Variants in PKHD1 observed in about 807,000 individuals in gnomAD.
The protein encoded by PKHD1 is PKHD1 ciliary IPT domain containing fibrocystin/polyductin, also known as fibrocystin.
A neutral mutation model predicts 412.0 loss-of-function variants in PKHD1; 291 were observed. The observed-to-expected ratio is 0.71, with a 90% CI of 0.64 to 0.78. PKHD1 has a LOEUF of 0.78. Among genes scored for constraint, PKHD1 ranks in the 30% least tolerant of loss-of-function variants. The pLI is 0.00. For synonymous variants in PKHD1, 1,777 were observed against 1,821.5 expected (o/e 0.98, Z 0.62); for missense variants, 4,825 against 4,950.7 (o/e 0.97, Z 0.76).
intron 52 of PKHD1, among the ~76,000 whole-genome samples, chr6:51,815,854 C>A (rs1678284561): frequency 6.6e-6 from 1 of 152,146 alleles, no homozygotes; most frequent in South Asian, 2.1e-4. Flanking sequence ...TCATAGTCAG[C>A]CTTAGCTCTG....
chr6:51,847,791 C>T lies in PKHD1; in HGVS notation c.8091G>A (p.Arg2697=), dbSNP rs2151627451. ...GCDWFFNSQL[R]QLTYLVSGEG... ...GATACTTACCCAGATAGGTGAGTTG[C>T]CTCAGCTGGCTATTGAAGAACCAGT... The change falls in exon 50 of 67, where the codon AGG becomes AGA. Residue 2697 remains arginine (R), a synonymous_variant. Coordinates refer to ENST00000371117, the MANE Select transcript of PKHD1 (RefSeq NM_138694.4). 4 of 1,613,220 alleles carry T rather than the reference C, an allele frequency of 2.5e-6. No individual in the cohort carries two copies. Among genetic ancestry groups the T allele is most frequent in the Non-Finnish European group, 3.4e-6 (4 of 1,179,212 alleles).
rs766308592 is a variant in PKHD1 at position 51,909,277 on chromosome 6, C to G, written c.6682+6G>C. ...ATGAGAAAGTCCTAGGTCCGGACCC[C>G]CTTACCTCTCATAGCTCCCACCAGA... On this transcript the variant is annotated splice_donor_region_variant and intron_variant, in intron 40 of 66. Transcript: ENST00000371117. 4.3e-6 allele frequency: 7 copies of G among 1,611,586 alleles called. No homozygotes were observed. The highest frequency in any genetic ancestry group is 8.5e-7 in the Non-Finnish European group (1 of 1,178,066).
chr6:51,847,427 A>G (rs1228507739), intron 50 of PKHD1, among the ~76,000 whole-genome samples: 1 of 152,126 alleles, frequency 6.6e-6, no homozygotes, highest in African/African-American at 2.4e-5. Context: ...TATTAGTACT[A>G]ACTACCAATG....
In PKHD1 at chr6:51,746,903, A is replaced by G. The variant is rs1235512915; in HGVS notation, c.9830-14T>C. Reference sequence around the variant, plus strand: ...AAAAGGTAACATCTGAAATTTTAAAAATATGTATCATAATATTATATCATA... The same window carrying G: ...AAAAGGTAACATCTGAAATTTTAAAGATATGTATCATAATATTATATCATA... On this transcript the variant is annotated splice_polypyrimidine_tract_variant and intron_variant, in intron 58 of 66. Transcript: ENST00000371117. 1.4e-6 allele frequency: 2 copies of G among 1,461,186 alleles called. No homozygotes were observed. Among genetic ancestry groups the G allele is most frequent in the Non-Finnish European group, 1.9e-6 (2 of 1,051,580 alleles). The allele number at this position is 1,461,186 out of a possible 1,614,324, so 90.5% of individuals were successfully genotyped here. A position where few individuals can be genotyped will look rare whatever the true frequency, so the allele number is the denominator to read the frequency against.
At chr6:52,084,555 T>A (rs979158252) in intron 2 of PKHD1, among the ~76,000 whole-genome samples, 1 of 152,214 alleles carries the variant, frequency 6.6e-6, no homozygotes, top group Non-Finnish European at 1.5e-5. Flanking sequence ...AGAAAGGTTA[T>A]AAGTTATTAT....
intron 37 of PKHD1, among the ~76,000 whole-genome samples, chr6:51,917,180 AGGGAGAGG>A: frequency 1.1e-5 from 1 of 93,710 alleles, no homozygotes; most frequent in Admixed American, 1.5e-4. Context: ...AGAGGGAGAG[AGGGAGAGG>A]TGGGGGGGAG....
chr6:51,839,939 T>G (rs913503957), intron 50 of PKHD1, among the ~76,000 whole-genome samples: 3 of 151,992 alleles, frequency 2.0e-5, no homozygotes, highest in Non-Finnish European at 2.9e-5. Context: ...CCCTGACTCA[T>G]GACTTCTCTT....
At chr6:51,899,993 A>T (rs1043481266) in intron 43 of PKHD1, among the ~76,000 whole-genome samples, 10 of 152,106 alleles carry the variant, frequency 6.6e-5, no homozygotes, top group Non-Finnish European at 2.9e-5. Context: ...GAGAACTACA[A>T]ACCACTGCTC....
chr6:52,062,574 C>T lies in PKHD1; in HGVS notation c.1063G>A (p.Val355Ile). The change falls in exon 14 of 67, where the codon GTC (valine) becomes ATC (isoleucine). Residue 355 changes from valine (V) to isoleucine (I), a missense_variant. Coordinates refer to ENST00000371117, the MANE Select transcript of PKHD1 (RefSeq NM_138694.4). ...CCAAATGGAGAACTGGCATTAGGGA[C>T]AATCTGCCACCTGTACCCTGGGGTG... ...EATPGYRWQI[V>I]PNASSPFGFW... is the part of the protein sequence containing the mutation. 1 of 1,614,168 alleles carries T rather than the reference C, an allele frequency of 6.2e-7. No homozygotes were observed. The highest frequency in any genetic ancestry group is 8.5e-7 in the Non-Finnish European group (1 of 1,179,980).
At chr6:51,638,702 T>A (rs929682061) in intron 64 of PKHD1, 147 bp downstream of exon 64, 11 of 662,688 alleles carry the variant, frequency 1.7e-5, no homozygotes, top group African/African-American at 1.1e-4. Context: ...TTCTCAAGCT[T>A]AATGATACAG....
intron 50 of PKHD1, among the ~76,000 whole-genome samples, chr6:51,837,319 C>T (rs185770661): frequency 6.6e-6 from 1 of 152,322 alleles, no homozygotes; most frequent in East Asian, 1.9e-4. Flanking sequence ...CTTGGGGACT[C>T]GGCCAAATTC....
intron 43 of PKHD1, among the ~76,000 whole-genome samples, chr6:51,893,076 G>A (rs1453909762): frequency 2.0e-5 from 3 of 152,186 alleles, no homozygotes; most frequent in Non-Finnish European, 4.4e-5. Context: ...GAGGGCCAGA[G>A]AAGGGGGCTT....
intron 60 of PKHD1, among the ~76,000 whole-genome samples, chr6:51,723,815 G>A (rs754051526): frequency 1.3e-5 from 2 of 152,096 alleles, no homozygotes; most frequent in African/African-American, 4.8e-5. Flanking sequence ...GAGAGTTTGG[G>A]TACATAGAAT....
chr6:51,721,789 C>A (rs746377642), intron 60 of PKHD1: 14 of 1,437,666 alleles, frequency 9.7e-6, no homozygotes, highest in Admixed American at 5.5e-5. Context: ...TTTTGTATTT[C>A]TTTGATCTGT....
intron 52 of PKHD1, among the ~76,000 whole-genome samples, chr6:51,801,324 T>C (rs749361341): frequency 6.6e-6 from 1 of 152,192 alleles, no homozygotes; most frequent in Non-Finnish European, 1.5e-5. Flanking sequence ...TCAAGTAGAC[T>C]AATTTACTGA....
rs1781878497 is a variant in PKHD1 at position 51,721,148 on chromosome 6, G to A, written c.10156+23237C>T. Reference sequence around the variant, plus strand: ...CACTGTTCCAATAATGGAACACTGGGCACATGGGAGTTATTTATATCCTAC... The same window carrying A: ...CACTGTTCCAATAATGGAACACTGGACACATGGGAGTTATTTATATCCTAC... On this transcript the variant is annotated intron_variant, in intron 60 of 66. Transcript: ENST00000371117. 1.4e-5 allele frequency: 13 copies of A among 954,920 alleles called. No homozygotes were observed. The South Asian group carries it at 4.8e-4, about 36-fold the overall frequency. The allele number at this position is 954,920 out of a possible 1,614,324, so 59.2% of individuals were successfully genotyped here.
At chr6:51,988,976 C>T (rs977573443) in intron 35 of PKHD1, among the ~76,000 whole-genome samples, 4 of 152,206 alleles carry the variant, frequency 2.6e-5, no homozygotes, top group Admixed American at 1.3e-4. Flanking sequence ...CAGGGGCTCA[C>T]ATTGTTAAAG....
intron 36 of PKHD1, among the ~76,000 whole-genome samples, chr6:51,940,492 C>T (rs1249361777): frequency 6.6e-6 from 1 of 151,684 alleles, no homozygotes; most frequent in Non-Finnish European, 1.5e-5. Flanking sequence ...CAAGGAATGC[C>T]CACAGCCCGG....
chr6:51,629,455 G>GA (rs1203592954), intron 65 of PKHD1, among the ~76,000 whole-genome samples: 2 of 151,692 alleles, frequency 1.3e-5, no homozygotes, highest in African/African-American at 4.8e-5. Flanking sequence ...AAAAGTATGT[G>GA]AAAAAAATGC....
Sources: allele counts gnomAD v4.1 joint callset (sites outside exome capture counted in the v4.1 genomes callset), GRCh38; gene constraint gnomAD v4.1.1; transcripts MANE v1.5; gene names NCBI Gene and HGNC (gene_info 2026-07-23, HGNC 2026-07-21).